Variants in EPB41 observed in about 807,000 individuals in gnomAD.
The protein encoded by EPB41 is erythrocyte membrane protein band 4.1.
Under a neutral mutation model 108.0 loss-of-function variants are expected in EPB41, and 65 were observed. The ratio of observed to expected loss-of-function variants is 0.60; its 90% confidence interval spans 0.49 to 0.74. The LOEUF (loss-of-function observed/expected upper bound fraction) is 0.74. EPB41 is among the 30% of genes least tolerant of loss of function. The pLI, the probability that EPB41 is intolerant of heterozygous loss-of-function variation, is 0.00. For missense variants in EPB41, 875 were observed against 1,037.0 expected, an observed-to-expected ratio of 0.84 and a Z score of 2.15; for synonymous variants, 336 against 358.9, an observed-to-expected ratio of 0.94 and a Z score of 0.72.
chr1:28,896,666 C>T (rs1285519497), intron 1 of EPB41, among the ~76,000 whole-genome samples: 1 of 152,208 alleles, frequency 6.6e-6, no homozygotes, highest in African/African-American at 2.4e-5. Flanking sequence ...GGGAATGCAG[C>T]TGAAGAGACA....
intron 7 of EPB41, among the ~76,000 whole-genome samples, chr1:29,023,655 C>T (rs1185528058): frequency 6.6e-6 from 1 of 151,720 alleles, no homozygotes; most frequent in Non-Finnish European, 1.5e-5. Context: ...CCATTGTACT[C>T]CAGCCTGGGC....
intron 1 of EPB41, among the ~76,000 whole-genome samples, chr1:28,903,728 G>C (rs1416721490): frequency 1.3e-5 from 2 of 152,090 alleles, no homozygotes; most frequent in East Asian, 3.9e-4. Context: ...TTGGTGTAAT[G>C]GTTGGCACAT....
intron 1 of EPB41, among the ~76,000 whole-genome samples, chr1:28,964,364 C>G (rs928034817): frequency 1.3e-5 from 2 of 152,058 alleles, no homozygotes; most frequent in Admixed American, 1.3e-4. Context: ...ATTGCTTGAG[C>G]CTGGGAGGCG....
chr1:28,976,140 A>T (rs2095603594), intron 1 of EPB41, among the ~76,000 whole-genome samples: 1 of 152,118 alleles, frequency 6.6e-6, no homozygotes. Context: ...GACAGATACT[A>T]GCCTGATAAT....
At chr1:29,102,242 G>A (rs1340004311) in intron 17 of EPB41, among the ~76,000 whole-genome samples, 1 of 152,128 alleles carries the variant, frequency 6.6e-6, no homozygotes, top group African/African-American at 2.4e-5. Flanking sequence ...TCCAATTAAG[G>A]TAATTCTGTG....
At chr1:28,913,266 C>T (rs1443491590), upstream of EPB41, among the ~76,000 whole-genome samples, 2 of 151,946 alleles carry the variant, frequency 1.3e-5, no homozygotes, top group African/African-American at 4.8e-5. Flanking sequence ...GGTGAAACCC[C>T]GTCTCTACTA....
chr1:29,115,579 G>T lies in EPB41; in HGVS notation c.2497-120G>T. 1 of 845,288 alleles carries T rather than the reference G, an allele frequency of 1.2e-6. No homozygotes were observed. Among genetic ancestry groups the T allele is most frequent in the Admixed American group, 2.0e-5 (1 of 50,186 alleles). 52.4% of individuals were successfully genotyped at this position (845,288 alleles called of 1,614,324 possible). ...TATCAGCTTGGCTTAGCCTAAAGCT[G>T]CCCTGGTACTGCAGACAGGAGTATT... On this transcript the variant is annotated intron_variant, in intron 19 of 20. Transcript: ENST00000343067. This position sits in a 1 kb window ranked among gnomAD's most constrained non-coding sequence, Gnocchi z 4.4.
chr1:29,106,591 T>TTTTTTA, intron 17 of EPB41, among the ~76,000 whole-genome samples: 1 of 140,556 alleles, frequency 7.1e-6, no homozygotes. Flanking sequence ...TTTTTTTTTT[T>TTTTTTA]GAGATGGAGT....
At chr1:29,103,826 C>T (rs1399489081) in intron 17 of EPB41, among the ~76,000 whole-genome samples, 2 of 152,142 alleles carry the variant, frequency 1.3e-5, no homozygotes, top group African/African-American at 4.8e-5. Flanking sequence ...CGCCCCCATG[C>T]CCGGCTAATT....
At chr1:29,054,580 A>C (rs1407067199) in intron 12 of EPB41, 2 of 147,990 alleles carry the variant, frequency 1.4e-5, no homozygotes, top group African/African-American at 5.0e-5. Flanking sequence ...CCAGGTGTGG[A>C]GGCTCTCACC....
At chr1:28,937,795 G>A (rs925207333) in intron 1 of EPB41, among the ~76,000 whole-genome samples, 2 of 152,220 alleles carry the variant, frequency 1.3e-5, no homozygotes, top group Non-Finnish European at 2.9e-5. Context: ...GGAAATTTAC[G>A]TCTTATCTTT....
At chr1:29,039,538 T>G (rs1348351791) in intron 11 of EPB41, 112 bp downstream of exon 11, 1 of 1,375,128 alleles carries the variant, frequency 7.3e-7, no homozygotes, top group Non-Finnish European at 1.0e-6. Context: ...TTGGGCCTGG[T>G]GCAGTGGCTT....
chr1:29,071,697 C>G (rs977450744), intron 16 of EPB41: 1 of 60,936 alleles, frequency 1.6e-5, no homozygotes, highest in African/African-American at 4.4e-5. Flanking sequence ...TGGGCACTCT[C>G]TCTCTCTTCA....
chr1:29,105,855 C>T (rs574947975), intron 17 of EPB41, among the ~76,000 whole-genome samples: 1 of 151,038 alleles, frequency 6.6e-6, no homozygotes, highest in Non-Finnish European at 1.5e-5. Flanking sequence ...TCAAGCGATC[C>T]TCCTGCCTCA....
rs570416239 is a variant in EPB41 at position 28,959,040 on chromosome 1, A to C, written c.-7-28391A>C. Among the ~76,000 whole-genome samples the C allele has an allele frequency of 3.3e-5, 5 of 151,824 alleles. No homozygotes were observed. The East Asian group carries it at 9.7e-4, about 30-fold the overall frequency. ...TGGAGATGCAGGCTTGGGGTATTAT[A>C]AAGAAGGCAGATGCAGGGAAGTGCA... On this transcript the variant is annotated intron_variant, in intron 1 of 20. Coordinates refer to ENST00000343067, the MANE Select transcript of EPB41 (RefSeq NM_001376013.1).
intron 1 of EPB41, among the ~76,000 whole-genome samples, chr1:28,987,191 T>G: frequency 6.6e-6 from 1 of 152,240 alleles, no homozygotes; most frequent in Non-Finnish European, 1.5e-5. Flanking sequence ...CCGTGGGTAC[T>G]ATTTTAAGCT....
chr1:28,937,803 T>G (rs2094109471), intron 1 of EPB41, among the ~76,000 whole-genome samples: 1 of 152,266 alleles, frequency 6.6e-6, no homozygotes, highest in South Asian at 2.1e-4. Context: ...ACGTCTTATC[T>G]TTTCTTCTAG....
chr1:28,973,508 G>A (rs367598242), intron 1 of EPB41, among the ~76,000 whole-genome samples: 184 of 152,178 alleles, frequency 1.2e-3, no homozygotes, highest in Middle Eastern at 3.4e-3. Context: ...TTCTGCCTCA[G>A]CCTCCCAGAT....
chr1:28,969,120 T>C (rs1245549282), intron 1 of EPB41, among the ~76,000 whole-genome samples: 1 of 150,924 alleles, frequency 6.6e-6, no homozygotes, highest in Non-Finnish European at 1.5e-5. Context: ...AGTCTTGCCC[T>C]GTCACCCAAG....
Sources: gnomAD v4.1 joint callset for allele counts (sites outside exome capture counted in the v4.1 genomes callset) on GRCh38, gnomAD v4.1.1 for gene constraint, Gnocchi (gnomAD v3.1) non-coding constraint, MANE v1.5 for transcripts, NCBI Gene and HGNC (gene_info 2026-07-23, HGNC 2026-07-21) for gene names.